Variants in EGFLAM observed in about 807,000 individuals in gnomAD.
The protein encoded by EGFLAM is pikachurin.
Under a neutral mutation model 113.1 loss-of-function variants are expected in EGFLAM, and 79 were observed. The ratio of observed to expected loss-of-function variants is 0.70; its 90% CI spans 0.58 to 0.84. EGFLAM has a LOEUF of 0.84. Among genes scored for constraint, EGFLAM ranks in the 40% least tolerant of loss-of-function variants. The pLI is 0.00. For synonymous variants in EGFLAM, 504 were observed against 487.6 expected (o/e 1.03, Z -0.44); for missense variants, 1,265 against 1,291.6 (o/e 0.98, Z 0.32).
At chr5:38,298,236 A>AT (rs1327569298) in intron 1 of EGFLAM, among the ~76,000 whole-genome samples, 1 of 152,216 alleles carries the variant, frequency 6.6e-6, no homozygotes, top group Non-Finnish European at 1.5e-5. Context: ...AGCAACTGGC[A>AT]TTGTTAAAGG....
intron 9 of EGFLAM, 26 bp from the exon 10 acceptor site, chr5:38,408,978 T>C (rs1741381707): frequency 1.3e-6 from 2 of 1,557,182 alleles, no homozygotes; most frequent in Non-Finnish European, 1.7e-6. Context: ...TTACTGTTCA[T>C]GTGGCTTTTG....
chr5:38,303,358 A>G (rs747559111), intron 1 of EGFLAM, among the ~76,000 whole-genome samples: 16 of 152,356 alleles, frequency 1.1e-4, no homozygotes, highest in Admixed American at 2.0e-4. Context: ...TACAGACAGT[A>G]ATTTACGACT....
rs78706307 is a variant in EGFLAM, at chr5:38,284,834, A to G, written c.97+25983A>G. On this transcript the variant is annotated intron_variant, in intron 1 of 21. Coordinates refer to ENST00000322350, the MANE Select transcript of EGFLAM (RefSeq NM_152403.4). ...ATAATCTTGAGAAGATAAAGACATC[A>G]CCAAATAAACTCTCCATTTTGATGT... Among the ~76,000 whole-genome samples, 1,362 of 152,326 alleles carry G rather than the reference A, an allele frequency of 8.9e-3. 22 individuals are homozygous for G. Among genetic ancestry groups the G allele is most frequent in the African/African-American group, 0.029 (1,189 of 41,560 alleles).
At chr5:38,445,029 G>A (rs1209658194) in intron 17 of EGFLAM, among the ~76,000 whole-genome samples, 2 of 152,166 alleles carry the variant, frequency 1.3e-5, no homozygotes, top group East Asian at 3.9e-4. Flanking sequence ...TTCAAGCTCT[G>A]ATGATTTTGG....
chr5:38,270,229 G>A (rs1043580739), intron 1 of EGFLAM, among the ~76,000 whole-genome samples: 3 of 152,156 alleles, frequency 2.0e-5, no homozygotes, highest in Non-Finnish European at 4.4e-5. Flanking sequence ...TGCAGCTGGA[G>A]GATATCCCCA....
chr5:38,262,415 C>T (rs1304281687), intron 1 of EGFLAM, among the ~76,000 whole-genome samples: 1 of 152,136 alleles, frequency 6.6e-6, no homozygotes, highest in Admixed American at 6.6e-5. Context: ...TTGATGAGCC[C>T]TAACAAACAT....
chr5:38,431,384 A>G, intron 15 of EGFLAM, 96 bp downstream of exon 15: 1 of 1,198,590 alleles, frequency 8.3e-7, no homozygotes, highest in South Asian at 1.5e-5. Flanking sequence ...GTTCTGGTTA[A>G]CTACATGGAC....
chr5:38,463,789 C>G, intron 21 of EGFLAM, 43 bp from the exon 22 acceptor site: 1 of 1,605,098 alleles, frequency 6.2e-7, no homozygotes, highest in Non-Finnish European at 8.5e-7. Context: ...CCTGCGGACA[C>G]CTGTCCTTTG....
chr5:38,265,884 G>A (rs1757621255), intron 1 of EGFLAM, among the ~76,000 whole-genome samples: 1 of 152,194 alleles, frequency 6.6e-6, no homozygotes, highest in Admixed American at 6.5e-5. Context: ...TGCACACTTT[G>A]AGACATGCCA....
chr5:38,461,413 G>T (rs1414626942), intron 20 of EGFLAM: 1 of 152,108 alleles, frequency 6.6e-6, no homozygotes, highest in Non-Finnish European at 1.5e-5. Flanking sequence ...AGATGCCATT[G>T]ATTATAAGGT....
At chr5:38,388,896 C>T (rs781692800) in intron 6 of EGFLAM, among the ~76,000 whole-genome samples, 7 of 131,038 alleles carry the variant, frequency 5.3e-5, no homozygotes, top group Non-Finnish European at 9.4e-5. Context: ...GTGTGGGTGA[C>T]AGAGCAAGAC....
chr5:38,326,355 G>A (rs1738879755), intron 1 of EGFLAM, among the ~76,000 whole-genome samples: 1 of 152,214 alleles, frequency 6.6e-6, no homozygotes, highest in Non-Finnish European at 1.5e-5. Context: ...GTAGAGAGGA[G>A]CGAATGGCCG....
At chr5:38,439,399 A>C (rs1288097812) in intron 17 of EGFLAM, among the ~76,000 whole-genome samples, 1 of 152,102 alleles carries the variant, frequency 6.6e-6, no homozygotes, top group Non-Finnish European at 1.5e-5. Flanking sequence ...AAAAAAAAAA[A>C]AACAAGCCTG....
rs148444115 is a variant in EGFLAM at position 38,303,578 on chromosome 5, C to T, written c.98-33942C>T. Among the ~76,000 whole-genome samples, 362 of 152,280 alleles carry T rather than the reference C, an allele frequency of 2.4e-3. 1 individual carries two copies. The highest frequency in any genetic ancestry group is 6.8e-3 in the Middle Eastern group (2 of 294). On this transcript the variant is annotated intron_variant, in intron 1 of 21. Transcript: ENST00000322350. ...AATAAAACTGAAGCTGTGGATCACT[C>T]ACTCTTCTTTGTCTTCCCTAAAGTA...
At chr5:38,363,207 A>G (rs185781852) in intron 5 of EGFLAM, among the ~76,000 whole-genome samples, 20 of 152,138 alleles carry the variant, frequency 1.3e-4, no homozygotes, top group African/African-American at 4.8e-4. Context: ...CCAGTATGTA[A>G]AATTGACTGA....
chr5:38,375,409 G>A (rs1392797317), intron 6 of EGFLAM, among the ~76,000 whole-genome samples: 1 of 152,096 alleles, frequency 6.6e-6, no homozygotes, highest in East Asian at 1.9e-4. Context: ...TTGATTTAAT[G>A]CCCACTTTGC....
chr5:38,323,903 G>A lies in EGFLAM; in HGVS notation c.98-13617G>A, dbSNP rs556615627. Reference sequence around the variant, plus strand: ...ATCTCTAGTAAAAAGTTAAGCTGGCGTGGTGGTGCATGCCTGTAATCCCAG... The same window carrying A: ...ATCTCTAGTAAAAAGTTAAGCTGGCATGGTGGTGCATGCCTGTAATCCCAG... On this transcript the variant is annotated intron_variant, in intron 1 of 21. Coordinates refer to ENST00000322350, the MANE Select transcript of EGFLAM (RefSeq NM_152403.4). Among the ~76,000 whole-genome samples the A allele has an allele frequency of 8.0e-4, 121 of 152,108 alleles. 1 individual carries two copies. The highest frequency in any genetic ancestry group is 2.7e-3 in the African/African-American group (112 of 41,498).
intron 6 of EGFLAM, among the ~76,000 whole-genome samples, chr5:38,400,749 G>C (rs1254303739): frequency 1.3e-5 from 2 of 152,174 alleles, no homozygotes; most frequent in African/African-American, 4.8e-5. Flanking sequence ...ATGCTGCAAA[G>C]AGGACTGGGT....
chr5:38,305,362 C>T lies in EGFLAM; in HGVS notation c.98-32158C>T, dbSNP rs114150660. ...TTATTTCTAACCTAGAATTCCATAC[C>T]CAGCCAAACTATCAATGAAGGATGA... is the stretch of plus-strand genomic sequence containing the variant. On this transcript the variant is annotated intron_variant, in intron 1 of 21. Transcript: ENST00000322350. 1,575 of 364,960 alleles carry T rather than the reference C, an allele frequency of 4.3e-3. 26 individuals carry two copies. Among genetic ancestry groups the T allele is most frequent in the African/African-American group, 0.031 (1,443 of 46,498 alleles). The allele number at this position is 364,960 out of a possible 1,614,324, so 22.6% of individuals were successfully genotyped here. A position where few individuals can be genotyped will look rare whatever the true frequency, so the allele number is the denominator to read the frequency against.
Sources: gnomAD v4.1 joint callset for allele counts (sites outside exome capture counted in the v4.1 genomes callset) on GRCh38, gnomAD v4.1.1 for gene constraint, MANE v1.5 for transcripts, NCBI Gene and HGNC (gene_info 2026-07-23, HGNC 2026-07-21) for gene names.